Variants in RP9 observed in about 807,000 individuals in gnomAD.
The protein encoded by RP9 is retinitis pigmentosa 9 protein.
RP9 carries 23 observed loss-of-function variants against 32.6 expected under a neutral mutation model. The ratio of observed to expected loss-of-function variants is 0.71; its 90% CI spans 0.51 to 1.00. The LOEUF is 1.00. Ranked by LOEUF, RP9 falls within the 50% of genes least tolerant of loss-of-function variation. The probability of loss-of-function intolerance (pLI) is 0.00; values close to 1 mark genes in which losing one functional copy is unlikely to be tolerated. For synonymous variants in RP9, 94 were observed against 103.6 expected, an observed-to-expected ratio of 0.91 and a Z score of 0.56; for missense variants, 245 against 285.3, an observed-to-expected ratio of 0.86 and a Z score of 1.02.
chr7:33,099,166 T>C (rs1179579616), intron 3 of RP9, 141 bp downstream of exon 3: 5 of 950,684 alleles, frequency 5.3e-6, no homozygotes, highest in Non-Finnish European at 8.4e-6. Context: ...GTGGGGTGGA[T>C]GCTTCCTTAT....
intron 1 of RP9, among the ~76,000 whole-genome samples, chr7:33,104,979 AC>A (rs1433044654): frequency 1.3e-5 from 2 of 152,196 alleles, no homozygotes; most frequent in African/African-American, 4.8e-5. Flanking sequence ...GGTGTCAAAA[AC>A]TTTACCTCCA....
intron 1 of RP9, among the ~76,000 whole-genome samples, chr7:33,102,608 C>A (rs756288719): frequency 1.3e-5 from 2 of 152,216 alleles, no homozygotes; most frequent in Admixed American, 1.3e-4. Context: ...GTCTGAGACA[C>A]GCTGTCTTCT....
intron 2 of RP9, among the ~76,000 whole-genome samples, chr7:33,099,916 C>A (rs991920656): frequency 6.6e-6 from 1 of 152,116 alleles, no homozygotes; most frequent in Non-Finnish European, 1.5e-5. Flanking sequence ...ACTGCATTTA[C>A]AATTAATGTG....
Position 33,096,550 on chromosome 7 carries a change from T to C in RP9, c.410A>G (p.His137Arg). 2 of 1,612,154 alleles carry C rather than the reference T, an allele frequency of 1.2e-6. No individual in the cohort carries two copies. The highest frequency in any genetic ancestry group is 1.7e-6 in the Non-Finnish European group (2 of 1,178,190). Residue 137 changes from histidine to arginine, a missense_variant, in exon 5 of 6, where the codon CAT becomes CGT. This residue lies in a region of RP9 where 63 missense variants were observed against 109.8 expected (regional missense o/e 0.57). Transcript: ENST00000297157. ...TATGATGTCATACATGGGATCTTCA[T>C]GTGCCTTAAGGGTCAGAGAAGGTTA... ...NQKLEQFRVA[H>R]EDPMYDIIRD...
chr7:33,105,088 A>G (rs368769198), intron 1 of RP9, among the ~76,000 whole-genome samples: 3 of 152,210 alleles, frequency 2.0e-5, no homozygotes, highest in Non-Finnish European at 4.4e-5. Flanking sequence ...GAGATGCAAG[A>G]TAGGAGAGTG....
chr7:33,108,525 C>G (rs1788533097), intron 1 of RP9, among the ~76,000 whole-genome samples: 1 of 152,162 alleles, frequency 6.6e-6, no homozygotes, highest in Non-Finnish European at 1.5e-5. Context: ...TATTATTTTT[C>G]GACTCGCCTG....
Position 33,094,814 on chromosome 7 carries a change from G to C in RP9, c.*420C>G, listed in dbSNP as rs79133824. On this transcript the variant is annotated 3_prime_UTR_variant, in exon 6 of 6. Transcript: ENST00000297157. ...ACATTCCATTTAAAAAATAAATAATGAGCTTTTATTATTCTCAACAACAGA... is the reference window on the plus strand; with the variant it reads ...ACATTCCATTTAAAAAATAAATAATCAGCTTTTATTATTCTCAACAACAGA... The C allele has an allele frequency of 6.5e-3, 1,184 of 182,984 alleles. 10 individuals carry two copies. Among genetic ancestry groups the C allele is most frequent in the African/African-American group, 0.025 (1,081 of 42,456 alleles). 11.3% of individuals were successfully genotyped at this position (182,984 alleles called of 1,614,324 possible). A position where few individuals can be genotyped will look rare whatever the true frequency, so the allele number is the denominator to read the frequency against.
intron 1 of RP9, among the ~76,000 whole-genome samples, chr7:33,105,726 G>C (rs1279764309): frequency 6.6e-6 from 1 of 152,084 alleles, no homozygotes; most frequent in East Asian, 1.9e-4. Flanking sequence ...AATAGACAGG[G>C]CTTGCTGGAT....
At chr7:33,095,493 T>C (rs1464220461) in intron 5 of RP9, 61 bp from the exon 6 acceptor site, 1 of 1,604,150 alleles carries the variant, frequency 6.2e-7, no homozygotes, top group Non-Finnish European at 8.5e-7. Flanking sequence ...AACAGTTGCT[T>C]AGATAAATAT....
At chr7:33,100,477 T>G in intron 2 of RP9, 54 bp downstream of exon 2, 1 of 1,399,436 alleles carries the variant, frequency 7.1e-7, no homozygotes. Context: ...AACAAGTTAC[T>G]GAGTCTACAA....
chr7:33,109,006 T>C lies in RP9; in HGVS notation c.152+215A>G, dbSNP rs1480235631. Among the ~76,000 whole-genome samples the C allele has an allele frequency of 3.9e-5, 6 of 152,096 alleles. No homozygotes were observed. Among genetic ancestry groups the C allele is most frequent in the Non-Finnish European group, 7.4e-5 (5 of 67,984 alleles). On this transcript the variant is annotated intron_variant, in intron 1 of 5. Transcript: ENST00000297157. The surrounding 1 kb of genome is among the most constrained non-coding windows in gnomAD (Gnocchi z 4.9). The stretch of plus-strand genomic sequence containing the variant: ...GATTCTGCTTGGTGCCGAGCGGCAG[T>C]TGGCTCCCTGAACGCCCCGCCAGGA...
At chr7:33,097,866 C>T (rs1008592429) in intron 3 of RP9, among the ~76,000 whole-genome samples, 6 of 152,208 alleles carry the variant, frequency 3.9e-5, no homozygotes, top group East Asian at 3.9e-4. Flanking sequence ...GTGATCCGCC[C>T]GCCTCAGCCT....
At chr7:33,104,141 G>A (rs905660187) in intron 1 of RP9, among the ~76,000 whole-genome samples, 3 of 151,894 alleles carry the variant, frequency 2.0e-5, no homozygotes, top group African/African-American at 4.8e-5. Flanking sequence ...AAAATACAAA[G>A]ACAGAAGAGA....
chr7:33,097,961 T>A (rs541350478), intron 3 of RP9, among the ~76,000 whole-genome samples: 1 of 152,240 alleles, frequency 6.6e-6, no homozygotes, highest in Non-Finnish European at 1.5e-5. Context: ...AGTATATTTT[T>A]CAGAGTAAAT....
chr7:33,099,452 G>C lies in RP9; in HGVS notation c.184-16C>G. ...TCTCATCTTCCTAAAAAAGGGAACA[G>C]GTATAAACAGCATGGCAAGAGCGCT... is the stretch of plus-strand genomic sequence containing the variant. On this transcript the variant is annotated splice_polypyrimidine_tract_variant and intron_variant, in intron 2 of 5. Transcript: ENST00000297157. 2 of 1,613,528 alleles carry C rather than the reference G, an allele frequency of 1.2e-6. No individual in the cohort carries two copies. The highest frequency in any genetic ancestry group is 2.2e-5 in the East Asian group (1 of 44,858).
chr7:33,100,330 G>A (rs1171883371), intron 2 of RP9: 2 of 634,750 alleles, frequency 3.2e-6, no homozygotes, highest in Admixed American at 5.3e-5. Flanking sequence ...CTTCAGGGAA[G>A]GGAAACATGG....
intron 1 of RP9, among the ~76,000 whole-genome samples, chr7:33,103,438 A>G (rs1221757484): frequency 2.0e-5 from 3 of 152,216 alleles, no homozygotes; most frequent in African/African-American, 7.2e-5. Context: ...TCATGAAGCT[A>G]TCTGATCAAC....
intron 1 of RP9, among the ~76,000 whole-genome samples, chr7:33,105,915 G>C (rs773274891): frequency 2.0e-5 from 3 of 151,870 alleles, no homozygotes; most frequent in Non-Finnish European, 4.4e-5. Context: ...CTTTTTTCTT[G>C]TTGACCTATT....
chr7:33,099,453 G>A lies in RP9; in HGVS notation c.184-17C>T, dbSNP rs759244029. On this transcript the variant is annotated splice_polypyrimidine_tract_variant and intron_variant, in intron 2 of 5. Coordinates refer to ENST00000297157, the MANE Select transcript of RP9 (RefSeq NM_203288.2). The stretch of plus-strand genomic sequence containing the variant: ...CTCATCTTCCTAAAAAAGGGAACAG[G>A]TATAAACAGCATGGCAAGAGCGCTG... 1 of 1,613,524 alleles carries A rather than the reference G, an allele frequency of 6.2e-7. No individual in the cohort carries two copies.
Sources: allele counts gnomAD v4.1 joint callset (sites outside exome capture counted in the v4.1 genomes callset), GRCh38; gene constraint gnomAD v4.1.1; regional missense constraint gnomAD v4.1.1; non-coding constraint Gnocchi (gnomAD v3.1); transcripts MANE v1.5; gene names NCBI Gene and HGNC (gene_info 2026-07-23, HGNC 2026-07-21).